SPOCK3: variants seen among roughly 807,000 people sequenced by gnomAD.
SPOCK3 encodes the protein testican-3.
Under a neutral mutation model 56.6 loss-of-function variants are expected in SPOCK3, and 30 were observed. That is an observed-to-expected ratio of 0.53 (90% CI 0.40 to 0.72). SPOCK3 has a LOEUF of 0.72. Among genes scored for constraint, SPOCK3 ranks in the 30% least tolerant of loss-of-function variants. SPOCK3 has a pLI of 0.00. For synonymous variants in SPOCK3, 196 were observed against 183.3 expected, an observed-to-expected ratio of 1.07 and a Z score of -0.56; for missense variants, 527 against 530.0, an observed-to-expected ratio of 0.99 and a Z score of 0.06.
At chr4:166,889,310 T>C in intron 5 of SPOCK3, 66 bp from the exon 6 acceptor site, 1 of 1,039,488 alleles carries the variant, frequency 9.6e-7, no homozygotes, top group African/African-American at 1.6e-5. Flanking sequence ...CTCAAGAAAT[T>C]TTTAGAAAGA....
At chr4:167,084,335 T>C (rs527572695) in intron 2 of SPOCK3, among the ~76,000 whole-genome samples, 226 of 152,204 alleles carry the variant, frequency 1.5e-3, no homozygotes, top group Non-Finnish European at 2.6e-3. Context: ...CTATTGCATA[T>C]TTTTTCTTTT....
intron 5 of SPOCK3, among the ~76,000 whole-genome samples, chr4:166,901,888 A>G (rs1445130208): frequency 6.6e-6 from 1 of 152,102 alleles, no homozygotes; most frequent in African/African-American, 2.4e-5. Flanking sequence ...ATTAAAAGCT[A>G]CATGAGATAA....
intron 2 of SPOCK3, among the ~76,000 whole-genome samples, chr4:167,094,816 G>A (rs903054128): frequency 4.6e-5 from 7 of 151,764 alleles, no homozygotes; most frequent in Admixed American, 2.6e-4. Flanking sequence ...TGTATTATTC[G>A]GGGTTCTCCA....
intron 6 of SPOCK3, among the ~76,000 whole-genome samples, chr4:166,796,135 A>T (rs753655076): frequency 7.9e-5 from 12 of 152,182 alleles, no homozygotes; most frequent in Non-Finnish European, 1.2e-4. Flanking sequence ...TTGCACTTCC[A>T]GTCTCCAGAA....
chr4:166,919,830 G>A (rs1179235716), intron 4 of SPOCK3, among the ~76,000 whole-genome samples: 1 of 152,032 alleles, frequency 6.6e-6, no homozygotes, highest in Non-Finnish European at 1.5e-5. Context: ...GCTATGTATA[G>A]TTATCATCAT....
At chr4:166,755,592 C>A (rs1053471537) in intron 7 of SPOCK3, among the ~76,000 whole-genome samples, 2 of 152,012 alleles carry the variant, frequency 1.3e-5, no homozygotes, top group African/African-American at 2.4e-5. Context: ...GTTTAATTTT[C>A]TCTTTTCTAC....
intron 8 of SPOCK3, among the ~76,000 whole-genome samples, chr4:166,743,795 C>A (rs1735191168): frequency 6.6e-6 from 1 of 152,150 alleles, no homozygotes; most frequent in African/African-American, 2.4e-5. Context: ...GATGGCACAC[C>A]AGGAGACTAT....
intron 2 of SPOCK3, among the ~76,000 whole-genome samples, chr4:167,191,074 GTTC>G (rs1368624135): frequency 2.1e-5 from 3 of 145,482 alleles, no homozygotes; most frequent in Non-Finnish European, 4.5e-5. Context: ...TTCCAGCTTT[GTTC>G]TTCTTTCTAA....
intron 4 of SPOCK3, among the ~76,000 whole-genome samples, chr4:166,976,580 T>C (rs980605167): frequency 6.6e-6 from 1 of 152,188 alleles, no homozygotes; most frequent in Non-Finnish European, 1.5e-5. Flanking sequence ...GGTTCTTCCA[T>C]ACTCAATGCA....
At chr4:166,741,019 CTTAT>C (rs1734790033) in intron 9 of SPOCK3, among the ~76,000 whole-genome samples, 1 of 152,220 alleles carries the variant, frequency 6.6e-6, no homozygotes, top group East Asian at 1.9e-4. Context: ...GAAAAATCCT[CTTAT>C]TTAAATGTAA....
chr4:166,969,380 T>C (rs995751650), intron 4 of SPOCK3, among the ~76,000 whole-genome samples: 4 of 152,004 alleles, frequency 2.6e-5, no homozygotes, highest in Non-Finnish European at 5.9e-5. Context: ...TGTTGAATTG[T>C]AGTTCCAAAT....
chr4:167,010,606 TA>T (rs992119205), intron 3 of SPOCK3, among the ~76,000 whole-genome samples: 50 of 151,178 alleles, frequency 3.3e-4, no homozygotes, highest in African/African-American at 7.0e-4. Flanking sequence ...GATACATTCA[TA>T]AAAAATTATT....
At chr4:166,747,348 G>A (rs1031364537) in intron 8 of SPOCK3, among the ~76,000 whole-genome samples, 12 of 152,124 alleles carry the variant, frequency 7.9e-5, no homozygotes, top group African/African-American at 9.7e-5. Context: ...ATCAATAAAC[G>A]TAATCCATCA....
intron 6 of SPOCK3, among the ~76,000 whole-genome samples, chr4:166,815,751 G>A (rs897137942): frequency 5.9e-5 from 9 of 152,048 alleles, no homozygotes; most frequent in African/African-American, 9.6e-5. Context: ...CTCCAACCTC[G>A]GCTACAGAGC....
intron 2 of SPOCK3, among the ~76,000 whole-genome samples, chr4:167,204,160 C>T (rs1037927726): frequency 1.3e-5 from 2 of 151,982 alleles, no homozygotes; most frequent in African/African-American, 2.4e-5. Context: ...TCCTGCCCTT[C>T]CTCCTTTCCT....
At chr4:166,795,935 T>C (rs1052334635) in intron 6 of SPOCK3, among the ~76,000 whole-genome samples, 6 of 152,154 alleles carry the variant, frequency 3.9e-5, no homozygotes, top group African/African-American at 1.4e-4. Flanking sequence ...TATTAGAAGA[T>C]AGGGACTCTG....
chr4:167,165,140 C>T (rs538095739), intron 2 of SPOCK3, among the ~76,000 whole-genome samples: 1 of 152,020 alleles, frequency 6.6e-6, no homozygotes, highest in Non-Finnish European at 1.5e-5. Context: ...CCATTCAGGA[C>T]ATAGGCATGG....
chr4:167,197,610 G>GAA (rs34905918), intron 2 of SPOCK3, among the ~76,000 whole-genome samples: 57 of 140,060 alleles, frequency 4.1e-4, no homozygotes, highest in African/African-American at 1.3e-3. Flanking sequence ...CCTTCAACCA[G>GAA]AAAAAAAAAA....
intron 6 of SPOCK3, among the ~76,000 whole-genome samples, chr4:166,824,743 GATGACAGTGT>G (rs1014533355): frequency 2.0e-5 from 3 of 152,040 alleles, no homozygotes; most frequent in Non-Finnish European, 4.4e-5. Flanking sequence ...CTTCACTTTT[GATGACAGTGT>G]TAACTAAATT....
Sources: gnomAD v4.1 joint callset for allele counts (sites outside exome capture counted in the v4.1 genomes callset) on GRCh38, gnomAD v4.1.1 for gene constraint, MANE v1.5 for transcripts, NCBI Gene and HGNC (gene_info 2026-07-23, HGNC 2026-07-21) for gene names.